SPAG16: variants seen among roughly 807,000 people sequenced by gnomAD.
SPAG16 encodes the protein sperm-associated antigen 16 protein.
SPAG16 carries 86 observed loss-of-function variants against 80.4 expected under a neutral mutation model. The ratio of observed to expected loss-of-function variants is 1.07; its 90% CI spans 0.90 to 1.28. The LOEUF (loss-of-function observed/expected upper bound fraction) is 1.28. Ranked by LOEUF, SPAG16 falls within the 50% of genes most tolerant of loss-of-function variation. The probability of loss-of-function intolerance (pLI) is 0.00; values close to 1 mark genes in which losing one functional copy is unlikely to be tolerated. For missense variants in SPAG16, 870 were observed against 765.3 expected (o/e 1.14, Z -1.61); for synonymous variants, 294 against 265.9 (o/e 1.11, Z -1.03).
intron 13 of SPAG16, among the ~76,000 whole-genome samples, chr2:214,050,650 A>T (rs2049595405): frequency 6.6e-6 from 1 of 152,162 alleles, no homozygotes; most frequent in South Asian, 2.1e-4. Context: ...AGTATTATGT[A>T]TTTTAAAAAG....
At chr2:214,372,582 G>A (rs1171185441) in intron 15 of SPAG16, among the ~76,000 whole-genome samples, 1 of 152,172 alleles carries the variant, frequency 6.6e-6, no homozygotes, top group South Asian at 2.1e-4. Context: ...AGGTGTCAAG[G>A]TCAGCACATA....
chr2:214,382,437 C>G (rs1700504623), intron 15 of SPAG16, among the ~76,000 whole-genome samples: 1 of 152,190 alleles, frequency 6.6e-6, no homozygotes, highest in African/African-American at 2.4e-5. Flanking sequence ...TATCCAGTGA[C>G]TCAACATTAG....
intron 13 of SPAG16, among the ~76,000 whole-genome samples, chr2:214,028,847 C>T (rs1188652395): frequency 6.6e-6 from 1 of 151,886 alleles, no homozygotes; most frequent in African/African-American, 2.4e-5. Flanking sequence ...CTATATTTGG[C>T]CCAAATCTTT....
chr2:213,697,266 T>C lies in SPAG16; in HGVS notation c.1071-165219T>C, dbSNP rs532996446. ...GGCCACTACACAAAGGGAGAAGGTA[T>C]GAATACTCATTTTACATAGTGTCAG... is the stretch of plus-strand genomic sequence containing the variant. On this transcript the variant is annotated intron_variant, in intron 10 of 15. Transcript: ENST00000331683. Among the ~76,000 whole-genome samples, 265 of 152,296 alleles carry C rather than the reference T, an allele frequency of 1.7e-3. 1 individual carries two copies. Among genetic ancestry groups the C allele is most frequent in the African/African-American group, 6.2e-3 (257 of 41,570 alleles).
intron 15 of SPAG16, among the ~76,000 whole-genome samples, chr2:214,162,538 G>A (rs1314086689): frequency 1.3e-5 from 2 of 152,032 alleles, no homozygotes; most frequent in Admixed American, 6.6e-5. Context: ...TTTCTAATAA[G>A]TCAGTTTTCT....
At chr2:213,656,996 A>G (rs534988477) in intron 10 of SPAG16, among the ~76,000 whole-genome samples, 6 of 152,310 alleles carry the variant, frequency 3.9e-5, no homozygotes, top group African/African-American at 1.2e-4. Flanking sequence ...CTTGATGTTA[A>G]TAGAATGTAA....
At chr2:214,285,499 A>G (rs1693285205) in intron 15 of SPAG16, among the ~76,000 whole-genome samples, 1 of 152,110 alleles carries the variant, frequency 6.6e-6, no homozygotes, top group South Asian at 2.1e-4. Flanking sequence ...CCACTGAACT[A>G]CTAAACTACT....
At chr2:213,653,177 G>A (rs757254185) in intron 10 of SPAG16, among the ~76,000 whole-genome samples, 1 of 152,120 alleles carries the variant, frequency 6.6e-6, no homozygotes, top group African/African-American at 2.4e-5. Flanking sequence ...TTTCTGATTA[G>A]CTTCATGTGC....
At chr2:213,502,046 T>C (rs2125779445) in intron 10 of SPAG16, among the ~76,000 whole-genome samples, 1 of 152,356 alleles carries the variant, frequency 6.6e-6, no homozygotes, top group African/African-American at 2.4e-5. Flanking sequence ...GATTTTTTAA[T>C]TTAAATAGTG....
intron 15 of SPAG16, among the ~76,000 whole-genome samples, chr2:214,177,600 T>C (rs1011578402): frequency 6.6e-6 from 1 of 150,802 alleles, no homozygotes; most frequent in Non-Finnish European, 1.5e-5. Flanking sequence ...TCTTTTGTCA[T>C]CTTTGTAAGA....
intron 11 of SPAG16, among the ~76,000 whole-genome samples, chr2:213,908,058 T>A (rs1160639854): frequency 6.6e-6 from 1 of 152,216 alleles, no homozygotes; most frequent in African/African-American, 2.4e-5. Context: ...GTGGTGAATA[T>A]GCTAATTACC....
intron 10 of SPAG16, among the ~76,000 whole-genome samples, chr2:213,703,184 G>T (rs2065574353): frequency 6.6e-6 from 1 of 152,314 alleles, no homozygotes; most frequent in East Asian, 1.9e-4. Context: ...GGACATGGAG[G>T]AAGAGTGAGA....
intron 9 of SPAG16, among the ~76,000 whole-genome samples, chr2:213,375,454 C>A (rs1252148016): frequency 6.6e-6 from 1 of 151,934 alleles, no homozygotes; most frequent in Non-Finnish European, 1.5e-5. Context: ...CTTGTTATAT[C>A]TTTTCTCAAA....
intron 10 of SPAG16, among the ~76,000 whole-genome samples, chr2:213,815,467 T>G (rs2072468606): frequency 6.6e-6 from 1 of 152,206 alleles, no homozygotes; most frequent in South Asian, 2.1e-4. Context: ...TTTGTTCAGG[T>G]AAATTACATC....
chr2:213,443,722 T>C (rs958207797), intron 9 of SPAG16, among the ~76,000 whole-genome samples: 3 of 152,188 alleles, frequency 2.0e-5, no homozygotes, highest in Admixed American at 6.5e-5. Context: ...TTTTAGTTTA[T>C]TTATTTTTAG....
intron 10 of SPAG16, among the ~76,000 whole-genome samples, chr2:213,665,873 T>C (rs1292940014): frequency 1.3e-5 from 2 of 152,058 alleles, no homozygotes; most frequent in Non-Finnish European, 2.9e-5. Context: ...GGAGCTGAAA[T>C]CAAGCCACTT....
chr2:213,889,640 C>T (rs1479542671), intron 11 of SPAG16, among the ~76,000 whole-genome samples: 1 of 149,336 alleles, frequency 6.7e-6, no homozygotes, highest in Non-Finnish European at 1.5e-5. Context: ...TATACATATA[C>T]ACACACACAT....
At chr2:213,886,825 C>T (rs1414668197) in intron 11 of SPAG16, among the ~76,000 whole-genome samples, 1 of 151,892 alleles carries the variant, frequency 6.6e-6, no homozygotes, top group Non-Finnish European at 1.5e-5. Context: ...GGATAAAGGA[C>T]TCATGAAGAT....
Position 214,082,637 on chromosome 2 carries a change from C to A in SPAG16, c.1528-25559C>A, listed in dbSNP as rs143210643. ...ACAGTGGTTCTCAACTCTGGCTGCA[C>A]ATTAGAATTACCTGGAAAGCTTTAA... is the stretch of plus-strand genomic sequence containing the variant. On this transcript the variant is annotated intron_variant, in intron 13 of 15. Coordinates refer to ENST00000331683, the MANE Select transcript of SPAG16 (RefSeq NM_024532.5). Among the ~76,000 whole-genome samples, 613 of 152,286 alleles carry A rather than the reference C, an allele frequency of 4.0e-3. 7 individuals are homozygous for A. The highest frequency in any genetic ancestry group is 0.014 in the African/African-American group (586 of 41,568).
Sources: allele counts gnomAD v4.1 joint callset (sites outside exome capture counted in the v4.1 genomes callset), GRCh38; gene constraint gnomAD v4.1.1; transcripts MANE v1.5; gene names NCBI Gene and HGNC (gene_info 2026-07-23, HGNC 2026-07-21).